Variants in URI1 observed in about 807,000 individuals in gnomAD.
URI1 encodes the protein URI1 prefoldin like chaperone.
A neutral mutation model predicts 60.2 loss-of-function variants in URI1; 39 were observed. The observed-to-expected ratio is 0.65, with a 90% CI of 0.50 to 0.85. The LOEUF (loss-of-function observed/expected upper bound fraction) is 0.85, where lower values mean the gene tolerates loss of function less well. Among genes scored for constraint, URI1 ranks in the 40% least tolerant of loss-of-function variants. The pLI is 0.00. For missense variants in URI1, 691 were observed against 665.9 expected (o/e 1.04, Z -0.42); for synonymous variants, 251 against 236.8 (o/e 1.06, Z -0.55).
intron 4 of URI1, among the ~76,000 whole-genome samples, chr19:29,991,258 G>T (rs1763038448): frequency 6.6e-6 from 1 of 152,064 alleles, no homozygotes; most frequent in Non-Finnish European, 1.5e-5. Context: ...TGTAAATACA[G>T]TGTATCTCTG....
intron 1 of URI1, among the ~76,000 whole-genome samples, chr19:29,966,117 TCTTTA>T (rs1448082226): frequency 1.3e-5 from 2 of 152,240 alleles, no homozygotes; most frequent in African/African-American, 4.8e-5. Flanking sequence ...GAAATGGTTT[TCTTTA>T]CTTTTATGGT....
At position 30,015,666 on chromosome 19, in the gene URI1, C is replaced by T; in HGVS notation, c.*597C>T. 7.4e-7 allele frequency: 1 copy of T among 1,360,218 alleles called. No individual in the cohort carries two copies. The highest frequency in any genetic ancestry group is 9.9e-7 in the Non-Finnish European group (1 of 1,013,462). The allele number at this position is 1,360,218 out of a possible 1,614,324, so 84.3% of individuals were successfully genotyped here. A position where few individuals can be genotyped will look rare whatever the true frequency, so the allele number is the denominator to read the frequency against. ...TTCTTTGGAAAGATATTTTGTAAAA[C>T]TTTTTTTTCCAAGTAAAAACTTTAT... On this transcript the variant is annotated 3_prime_UTR_variant, in exon 11 of 11. Coordinates refer to ENST00000392271, the MANE Select transcript of URI1 (RefSeq NM_003796.3).
chr19:29,932,802 T>TCAC (rs2054933853), intron 1 of URI1, among the ~76,000 whole-genome samples: 1 of 151,270 alleles, frequency 6.6e-6, no homozygotes, highest in Non-Finnish European at 1.5e-5. Flanking sequence ...CAGGTGCCCA[T>TCAC]CACCACATCC....
chr19:29,965,033 T>C (rs1194910786), intron 1 of URI1, among the ~76,000 whole-genome samples: 1 of 152,140 alleles, frequency 6.6e-6, no homozygotes, highest in Non-Finnish European at 1.5e-5. Context: ...CTGTAAGAAG[T>C]CAGGAGGGAG....
intron 2 of URI1, among the ~76,000 whole-genome samples, chr19:29,983,553 T>A (rs2055624252): frequency 6.6e-6 from 1 of 152,200 alleles, no homozygotes; most frequent in Non-Finnish European, 1.5e-5. Context: ...AATGTCTACA[T>A]GTTCTTTTAA....
chr19:29,956,794 C>G (rs528053348), intron 1 of URI1: 1 of 1,601,138 alleles, frequency 6.2e-7, no homozygotes, highest in East Asian at 2.2e-5. Context: ...TAGCCAGTTC[C>G]TTTCTGTTAC....
At chr19:29,997,642 G>C (rs1372613798) in intron 4 of URI1, among the ~76,000 whole-genome samples, 1 of 151,802 alleles carries the variant, frequency 6.6e-6, no homozygotes, top group African/African-American at 2.4e-5. Flanking sequence ...TGAAGTTACT[G>C]ATTTGAAGTA....
chr19:29,951,996 A>G (rs557721488), intron 1 of URI1, among the ~76,000 whole-genome samples: 1 of 152,236 alleles, frequency 6.6e-6, no homozygotes, highest in African/African-American at 2.4e-5. Context: ...CAAGATATGG[A>G]CACAAGTAGT....
At chr19:29,987,873 A>C (rs955415920) in intron 4 of URI1, among the ~76,000 whole-genome samples, 3 of 152,192 alleles carry the variant, frequency 2.0e-5, no homozygotes, top group African/African-American at 7.2e-5. Flanking sequence ...ATTTCCTGTT[A>C]CAATAAATTC....
At chr19:29,957,885 C>T (rs2055269908) in intron 1 of URI1, 1 of 144,602 alleles carries the variant, frequency 6.9e-6, no homozygotes, top group African/African-American at 2.5e-5. Context: ...AATTTACTTG[C>T]TATTCATTTT....
Position 30,015,405 on chromosome 19 carries a change from G to C in URI1, c.*336G>C. 3 of 1,440,086 alleles carry C rather than the reference G, an allele frequency of 2.1e-6. No individual in the cohort carries two copies. Among genetic ancestry groups the C allele is most frequent in the Non-Finnish European group, 2.7e-6 (3 of 1,104,742 alleles). The allele number at this position is 1,440,086 out of a possible 1,614,324, so 89.2% of individuals were successfully genotyped here. ...TCAAACTAAATACAGGCAGTTTTGT[G>C]CCAGCTGTGATATTGTGCATACCAT... On this transcript the variant is annotated 3_prime_UTR_variant, in exon 11 of 11. Transcript: ENST00000392271.
Position 30,014,840 on chromosome 19 carries a change from G to A in URI1, c.1426-47G>A, listed in dbSNP as rs111827576. On this transcript the variant is annotated intron_variant, in intron 10 of 10. Transcript: ENST00000392271. The stretch of plus-strand genomic sequence containing the variant: ...ATGAGTGAATGGGAAGATTTTGTGG[G>A]TGTCTTATTTGCATTTTATTACCAT... The A allele has an allele frequency of 5.8e-5, 89 of 1,526,214 alleles. No individual in the cohort carries two copies. In the African/African-American group the frequency reaches 9.9e-4, roughly 17 times the overall value. The allele number at this position is 1,526,214 out of a possible 1,614,324, so 94.5% of individuals were successfully genotyped here.
intron 1 of URI1, among the ~76,000 whole-genome samples, chr19:29,970,128 ATTTTTTTT>A (rs199739403): frequency 8.0e-5 from 6 of 74,538 alleles, no homozygotes; most frequent in East Asian, 3.1e-4. Flanking sequence ...AATCGTGTGT[ATTTTTTTT>A]TTTTTTTTTT....
intron 4 of URI1, chr19:30,004,353 T>C (rs921944299): frequency 1.3e-5 from 2 of 152,062 alleles, no homozygotes; most frequent in Non-Finnish European, 2.9e-5. Flanking sequence ...GCCCTTCATA[T>C]GTGGTGATAT....
chr19:30,015,525 TTC>T lies in URI1; in HGVS notation c.*460_*461del. ...TTAAAGGCACTTTAAAAAAATCTAC[TTC>T]TCTTGTAGGTTTTGCGGCTAGTTGG... is the stretch of plus-strand genomic sequence containing the variant. On this transcript the variant is annotated 3_prime_UTR_variant, in exon 11 of 11. Coordinates refer to ENST00000392271, the MANE Select transcript of URI1 (RefSeq NM_003796.3). 1 of 1,533,116 alleles carries T rather than the reference TTC, an allele frequency of 6.5e-7. No individual in the cohort carries two copies. 95.0% of individuals were successfully genotyped at this position (1,533,116 alleles called of 1,614,324 possible). A position where few individuals can be genotyped will look rare whatever the true frequency, so the allele number is the denominator to read the frequency against.
At chr19:30,009,835 A>C (rs2055995317) in intron 8 of URI1, among the ~76,000 whole-genome samples, 1 of 152,198 alleles carries the variant, frequency 6.6e-6, no homozygotes, top group Non-Finnish European at 1.5e-5. Flanking sequence ...AGTAAATATA[A>C]ACATCTGTGG....
At chr19:29,926,247 CCTT>C (rs2054865542) in intron 1 of URI1, among the ~76,000 whole-genome samples, 1 of 138,786 alleles carries the variant, frequency 7.2e-6, no homozygotes, top group African/African-American at 2.8e-5. Flanking sequence ...TTCCTTCCTT[CCTT>C]CCTTCCTTCC....
At chr19:30,008,152 A>G (rs548674987) in intron 7 of URI1, among the ~76,000 whole-genome samples, 15 of 152,220 alleles carry the variant, frequency 9.9e-5, no homozygotes, top group Admixed American at 2.6e-4. Flanking sequence ...TATGTATGAG[A>G]AACTTTACGA....
intron 1 of URI1, among the ~76,000 whole-genome samples, chr19:29,943,319 G>T (rs1478823405): frequency 6.6e-6 from 1 of 152,094 alleles, no homozygotes; most frequent in Non-Finnish European, 1.5e-5. Flanking sequence ...CTGGTGAAAA[G>T]GGTACAAAGT....
Sources: gnomAD v4.1 joint callset for allele counts (sites outside exome capture counted in the v4.1 genomes callset) on GRCh38, gnomAD v4.1.1 for gene constraint, MANE v1.5 for transcripts, NCBI Gene and HGNC (gene_info 2026-07-23, HGNC 2026-07-21) for gene names.